The following SDK2 variants were observed in gnomAD, a reference collection of about 807,000 sequenced individuals.
SDK2 encodes the protein sidekick cell adhesion molecule 2.
SDK2 carries 105 observed loss-of-function variants against 253.9 expected under a neutral mutation model. The observed-to-expected ratio is 0.41, with a 90% confidence interval of 0.35 to 0.49. SDK2 has a LOEUF of 0.49. Among genes scored for constraint, SDK2 ranks in the 20% least tolerant of loss-of-function variants. The pLI, the probability that SDK2 is intolerant of heterozygous loss-of-function variation, is 0.06. For missense variants in SDK2, 2,608 were observed against 3,003.0 expected (o/e 0.87, Z 3.07); for synonymous variants, 1,249 against 1,234.9 (o/e 1.01, Z -0.24).
chr17:73,440,411 C>T (rs1025317809), intron 6 of SDK2, among the ~76,000 whole-genome samples: 1 of 152,108 alleles, frequency 6.6e-6, no homozygotes, highest in Non-Finnish European at 1.5e-5. Flanking sequence ...CAAAGCCGTA[C>T]TCTTAACCAC....
chr17:73,644,064 G>A lies in SDK2; in HGVS notation c.25C>T (p.Leu9=). 6.5e-7 allele frequency: 1 copy of A among 1,548,606 alleles called. No individual in the cohort carries two copies. The highest frequency in any genetic ancestry group is 8.7e-7 in the Non-Finnish European group (1 of 1,145,212). MWGLLIWT[L]LALHQIRAAR... ...GCGCGGATCTGATGCAGAGCTAGCAGTGTCCAGATCAAAAGCCCCCACATG... is the reference window on the plus strand; with the variant it reads ...GCGCGGATCTGATGCAGAGCTAGCAATGTCCAGATCAAAAGCCCCCACATG... The change falls in exon 1 of 45, where the codon CTG becomes TTG. Residue 9 remains leucine (L), a synonymous_variant. Transcript: ENST00000392650. This position sits in a 1 kb window ranked among gnomAD's most constrained non-coding sequence, Gnocchi z 6.3.
Position 73,398,066 on chromosome 17 carries a change from G to A in SDK2, c.3323C>T (p.Ala1108Val). Residue 1108 changes from alanine (A) to valine (V), a missense_variant, in exon 24 of 45, where the codon GCC (alanine) becomes GTC (valine). Coordinates refer to ENST00000392650, the MANE Select transcript of SDK2 (RefSeq NM_001144952.2). ...MAPANVSLRT[A>V]SETSLWLRWM... ...GCGCAGCCACAGGCTGGTCTCACTG[G>A]CTGTGCGCAGAGACACATTGGCTGG... 1 of 1,613,070 alleles carries A rather than the reference G, an allele frequency of 6.2e-7. No homozygotes were observed. The highest frequency in any genetic ancestry group is 8.5e-7 in the Non-Finnish European group (1 of 1,179,886).
At chr17:73,623,338 T>C (rs139488641) in intron 1 of SDK2, among the ~76,000 whole-genome samples, 200 of 152,304 alleles carry the variant, frequency 1.3e-3, no homozygotes, top group African/African-American at 4.6e-3. Context: ...AGGGTCATCA[T>C]AGAGGCAGTC....
intron 1 of SDK2, among the ~76,000 whole-genome samples, chr17:73,615,661 T>C (rs1206526934): frequency 6.6e-6 from 1 of 152,054 alleles, no homozygotes; most frequent in Non-Finnish European, 1.5e-5. Context: ...GGAATAAAAC[T>C]CTCAGCTAGG....
At chr17:73,491,392 A>C (rs1267859072) in intron 2 of SDK2, among the ~76,000 whole-genome samples, 1 of 77,680 alleles carries the variant, frequency 1.3e-5, no homozygotes, top group Non-Finnish European at 3.0e-5. Context: ...TTTTTTTTTG[A>C]GACAGGGTCT....
intron 2 of SDK2, among the ~76,000 whole-genome samples, chr17:73,482,036 A>G (rs1420419238): frequency 6.6e-6 from 1 of 152,130 alleles, no homozygotes; most frequent in East Asian, 1.9e-4. Flanking sequence ...GCACTTTGGG[A>G]GGCTGAGGCA....
At position 73,565,818 on chromosome 17, in the gene SDK2, GGTTT is replaced by G. The variant is rs1220314185; in HGVS notation, c.65-58225_65-58222del. Among the ~76,000 whole-genome samples, 13 of 152,040 alleles carry G rather than the reference GGTTT, an allele frequency of 8.6e-5. No individual in the cohort carries two copies. In the East Asian group the frequency reaches 1.9e-3, roughly 23 times the overall value. The stretch of plus-strand genomic sequence containing the variant: ...AGAGCTAGTTGTTTTTTCTTTTTTT[GGTTT>G]GTTTGTTTGTTTGTTTTTTTGAGAT... On this transcript the variant is annotated intron_variant, in intron 1 of 44. Coordinates refer to ENST00000392650, the MANE Select transcript of SDK2 (RefSeq NM_001144952.2).
chr17:73,643,957 T>TGCCCCCCCCCC lies in SDK2; in HGVS notation c.64+67_64+68insGGGGGGGGGGC. ...GGAGGTCACCGTGAGGCCGGCCAGC[T>TGCCCCCCCCCC]CCCGCCGCCCCTCCCCCGCCCACTC... On this transcript the variant is annotated intron_variant, in intron 1 of 44. Coordinates refer to ENST00000392650, the MANE Select transcript of SDK2 (RefSeq NM_001144952.2). The surrounding 1 kb of genome is among the most constrained non-coding windows in gnomAD (Gnocchi z 6.9). 9.8e-7 allele frequency: 1 copy of TGCCCCCCCCCC among 1,019,996 alleles called. No homozygotes were observed. Among genetic ancestry groups the TGCCCCCCCCCC allele is most frequent in the Non-Finnish European group, 1.5e-6 (1 of 674,882 alleles). The allele number at this position is 1,019,996 out of a possible 1,614,324, so 63.2% of individuals were successfully genotyped here.
intron 38 of SDK2, 75 bp downstream of exon 38, chr17:73,365,183 T>G (rs1468944839): frequency 1.8e-6 from 2 of 1,140,378 alleles, no homozygotes; most frequent in Non-Finnish European, 2.4e-6. Context: ...GTGTAGTGGC[T>G]GTGATGGGCG....
intron 44 of SDK2, among the ~76,000 whole-genome samples, chr17:73,344,492 T>A (rs2062466087): frequency 6.6e-6 from 1 of 152,222 alleles, no homozygotes; most frequent in South Asian, 2.1e-4. Context: ...CCCAGTTGCT[T>A]GTACTTCTGA....
At chr17:73,415,050 G>A (rs1400747917) in intron 17 of SDK2, among the ~76,000 whole-genome samples, 1 of 152,194 alleles carries the variant, frequency 6.6e-6, no homozygotes, top group East Asian at 1.9e-4. Flanking sequence ...AAAGTAAGCT[G>A]TTTCATGATC....
intron 1 of SDK2, among the ~76,000 whole-genome samples, chr17:73,637,723 G>T (rs890824765): frequency 6.6e-6 from 1 of 152,218 alleles, no homozygotes; most frequent in Non-Finnish European, 1.5e-5. Context: ...TTCCTCTGGA[G>T]CATTAATCAA....
chr17:73,624,513 C>T (rs2046176354), intron 1 of SDK2, among the ~76,000 whole-genome samples: 1 of 152,172 alleles, frequency 6.6e-6, no homozygotes, highest in South Asian at 2.1e-4. Context: ...ACTGATCACT[C>T]CTATTTTTTA....
At chr17:73,590,400 C>T (rs568211354) in intron 1 of SDK2, among the ~76,000 whole-genome samples, 18 of 152,368 alleles carry the variant, frequency 1.2e-4, no homozygotes, top group Admixed American at 6.5e-4. Context: ...ACAAGAAGCA[C>T]AGCAGCAACT....
At chr17:73,522,440 C>T (rs774165391) in intron 1 of SDK2, among the ~76,000 whole-genome samples, 6 of 152,214 alleles carry the variant, frequency 3.9e-5, no homozygotes, top group South Asian at 4.1e-4. Flanking sequence ...GAGGGCCAGG[C>T]GGCAGGCCCC....
chr17:73,637,617 T>G (rs562838106), intron 1 of SDK2, among the ~76,000 whole-genome samples: 3 of 152,306 alleles, frequency 2.0e-5, no homozygotes, highest in East Asian at 3.9e-4. Context: ...GACCTCAGCC[T>G]GCCTGCCTCG....
At chr17:73,636,525 T>G (rs574291684) in intron 1 of SDK2, among the ~76,000 whole-genome samples, 2 of 151,062 alleles carry the variant, frequency 1.3e-5, no homozygotes, top group Admixed American at 1.3e-4. Context: ...CTGTGCCTAC[T>G]AAAAAATTGG....
rs1353100160 is a variant in SDK2 at position 73,481,429 on chromosome 17, T to C, written c.225-9211A>G. ...GAAGGATGCCTGCCCAGACAGCTGGTAAAGGATGGTCTGGGTGTGTCTGTG... is the reference window on the plus strand; with the variant it reads ...GAAGGATGCCTGCCCAGACAGCTGGCAAAGGATGGTCTGGGTGTGTCTGTG... On this transcript the variant is annotated intron_variant, in intron 2 of 44. Coordinates refer to ENST00000392650, the MANE Select transcript of SDK2 (RefSeq NM_001144952.2). This position sits in a 1 kb window ranked among gnomAD's most constrained non-coding sequence, Gnocchi z 4.5. Among the ~76,000 whole-genome samples, 2 of 151,930 alleles carry C rather than the reference T, an allele frequency of 1.3e-5. No homozygotes were observed. The highest frequency in any genetic ancestry group is 1.3e-4 in the Admixed American group (2 of 15,254).
Position 73,381,644 on chromosome 17 carries a change from G to A in SDK2, c.4706-694C>T, listed in dbSNP as rs2062831480. Among the ~76,000 whole-genome samples the A allele has an allele frequency of 2.0e-5, 3 of 152,086 alleles. No individual in the cohort carries two copies. The South Asian group carries it at 6.2e-4, about 32-fold the overall frequency. On this transcript the variant is annotated intron_variant, in intron 33 of 44. Coordinates refer to ENST00000392650, the MANE Select transcript of SDK2 (RefSeq NM_001144952.2). ...GCCTGTAATCTCAGCACTTTGGGAA[G>A]CCAAGGTGGGTGGATCACCTGAGGT...
Sources: gnomAD v4.1 joint callset for allele counts (sites outside exome capture counted in the v4.1 genomes callset) on GRCh38, gnomAD v4.1.1 for gene constraint, Gnocchi (gnomAD v3.1) non-coding constraint, MANE v1.5 for transcripts, NCBI Gene and HGNC (gene_info 2026-07-23, HGNC 2026-07-21) for gene names.